Variants in CLIC4 observed in about 807,000 individuals in gnomAD.
CLIC4 encodes the protein chloride intracellular channel protein 4.
In CLIC4, 13 loss-of-function variants were observed where a neutral mutation model predicts 24.6. The ratio of observed to expected loss-of-function variants is 0.53; its 90% confidence interval spans 0.34 to 0.84. The LOEUF is 0.84. Among genes scored for constraint, CLIC4 ranks in the 40% least tolerant of loss-of-function variants. The pLI is 0.01. For synonymous variants in CLIC4, 104 were observed against 111.3 expected (o/e 0.93, Z 0.41); for missense variants, 227 against 301.7 (o/e 0.75, Z 1.83).
rs910108111 is a variant in CLIC4 at position 24,751,325 on chromosome 1, G to A, written c.72+5700G>A. On this transcript the variant is annotated intron_variant, in intron 1 of 5. Coordinates refer to ENST00000374379, the MANE Select transcript of CLIC4 (RefSeq NM_013943.3). ...CCCGAGTTCAAGCGATTCTCCTGCCGCAGACTCCCGAGTAGCTGGGGTTAC... is the reference window on the plus strand; with the variant it reads ...CCCGAGTTCAAGCGATTCTCCTGCCACAGACTCCCGAGTAGCTGGGGTTAC... 4.0e-5 allele frequency among the ~76,000 whole-genome samples: 6 copies of A among 149,766 alleles called. No homozygotes were observed. In the South Asian group the frequency reaches 6.4e-4, roughly 16 times the overall value.
chr1:24,752,187 T>A (rs1012746498), intron 1 of CLIC4, among the ~76,000 whole-genome samples: 3 of 152,196 alleles, frequency 2.0e-5, no homozygotes, highest in Admixed American at 2.0e-4. Flanking sequence ...TTTCCTAACT[T>A]CTAATATCAG....
At chr1:24,761,663 AT>A (rs1638929212) in intron 1 of CLIC4, among the ~76,000 whole-genome samples, 1 of 152,206 alleles carries the variant, frequency 6.6e-6, no homozygotes, top group Admixed American at 6.5e-5. Flanking sequence ...TTGCATCTTA[AT>A]ATGAGTAGCC....
At chr1:24,776,785 G>C (rs543738458) in intron 1 of CLIC4, among the ~76,000 whole-genome samples, 1 of 92,994 alleles carries the variant, frequency 1.1e-5, no homozygotes, top group Admixed American at 1.3e-4. Flanking sequence ...GGTGGTAGGG[G>C]CCTGTAGTCC....
chr1:24,796,601 G>A (rs1001511061), intron 1 of CLIC4, among the ~76,000 whole-genome samples: 1 of 152,142 alleles, frequency 6.6e-6, no homozygotes, highest in African/African-American at 2.4e-5. Flanking sequence ...TGCTGTACAG[G>A]TTTGTAGCCT....
chr1:24,811,579 C>G (rs1287353822), intron 2 of CLIC4, among the ~76,000 whole-genome samples: 1 of 152,102 alleles, frequency 6.6e-6, no homozygotes, highest in Non-Finnish European at 1.5e-5. Flanking sequence ...CTCAACCAAT[C>G]CTCCCATCTC....
chr1:24,769,161 G>T (rs1639043371), intron 1 of CLIC4, among the ~76,000 whole-genome samples: 2 of 151,686 alleles, frequency 1.3e-5, no homozygotes, highest in South Asian at 4.2e-4. Context: ...AAAACATAAT[G>T]TAAGAATCAT....
chr1:24,797,880 C>G, intron 2 of CLIC4, 29 bp downstream of exon 2: 1 of 1,456,876 alleles, frequency 6.9e-7, no homozygotes, highest in Non-Finnish European at 9.6e-7. Context: ...TTGCAATCAA[C>G]TTAAGCTGAA....
intron 4 of CLIC4, among the ~76,000 whole-genome samples, chr1:24,838,183 C>A (rs1313899696): frequency 6.6e-6 from 1 of 152,082 alleles, no homozygotes. Context: ...CTCTATACTA[C>A]CCTCTGTCCC....
At chr1:24,770,515 C>G (rs1397809316) in intron 1 of CLIC4, among the ~76,000 whole-genome samples, 3 of 152,084 alleles carry the variant, frequency 2.0e-5, no homozygotes, top group African/African-American at 7.2e-5. Context: ...GCTCACTTAC[C>G]AAACTGATTA....
At chr1:24,807,257 C>T (rs376196641) in intron 2 of CLIC4, among the ~76,000 whole-genome samples, 3 of 151,144 alleles carry the variant, frequency 2.0e-5, no homozygotes, top group East Asian at 1.9e-4. Flanking sequence ...ATGCCCTACC[C>T]GACCTACCCC....
In CLIC4 at chr1:24,796,956, A is replaced by AT. The variant is rs1228731914; in HGVS notation, c.73-783dup. On this transcript the variant is annotated intron_variant, in intron 1 of 5. Transcript: ENST00000374379. ...TTTTTATTTTTTATTTTATTTATTT[A>AT]TTTATTTTTTTTTTTTGAGACAGAG... 7.0e-4 allele frequency among the ~76,000 whole-genome samples: 104 copies of AT among 148,378 alleles called. 1 individual carries two copies. Among genetic ancestry groups the AT allele is most frequent in the Middle Eastern group, 7.1e-3 (2 of 280 alleles).
intron 1 of CLIC4, among the ~76,000 whole-genome samples, chr1:24,775,978 T>C (rs992562219): frequency 6.6e-6 from 1 of 152,200 alleles, no homozygotes; most frequent in Admixed American, 6.5e-5. Flanking sequence ...TGATTTTCTT[T>C]TCTAAAGCAG....
At chr1:24,801,487 C>T (rs1639489903) in intron 2 of CLIC4, among the ~76,000 whole-genome samples, 1 of 152,200 alleles carries the variant, frequency 6.6e-6, no homozygotes, top group Admixed American at 6.5e-5. Flanking sequence ...TCACCTCCCA[C>T]AAGGCCCCTC....
At chr1:24,769,053 G>A (rs1181279972) in intron 1 of CLIC4, among the ~76,000 whole-genome samples, 2 of 152,026 alleles carry the variant, frequency 1.3e-5, no homozygotes, top group African/African-American at 4.8e-5. Context: ...GCTGAAGCAG[G>A]AGATTGAGGC....
Position 24,826,987 on chromosome 1 carries a change from TCC to T in CLIC4, c.309-22_309-21del, listed in dbSNP as rs577806553. 3.6e-3 allele frequency: 5,420 copies of T among 1,509,640 alleles called. 17 individuals carry two copies. The highest frequency in any genetic ancestry group is 4.5e-3 in the Non-Finnish European group (4,924 of 1,098,372). 93.5% of individuals were successfully genotyped at this position (1,509,640 alleles called of 1,614,324 possible). ...TAATTCATCTTTGAAGGATCTATAATCCATATCACTTTTTCTATTTAGGTACT... is the reference window on the plus strand; with the variant it reads ...TAATTCATCTTTGAAGGATCTATAATATATCACTTTTTCTATTTAGGTACT... On this transcript the variant is annotated intron_variant, in intron 3 of 5. Coordinates refer to ENST00000374379, the MANE Select transcript of CLIC4 (RefSeq NM_013943.3).
At chr1:24,782,418 G>C (rs1009049906) in intron 1 of CLIC4, among the ~76,000 whole-genome samples, 17 of 152,052 alleles carry the variant, frequency 1.1e-4, no homozygotes, top group Admixed American at 1.0e-3. Context: ...GGATGCTATA[G>C]GTAATGCAAA....
chr1:24,838,718 T>G (rs1639909895), intron 4 of CLIC4, among the ~76,000 whole-genome samples: 1 of 152,186 alleles, frequency 6.6e-6, no homozygotes, highest in African/African-American at 2.4e-5. Context: ...GAAAGGATAA[T>G]AGAAGATCTG....
rs1437195849 is a variant in CLIC4 at position 24,745,502 on chromosome 1, C to T, written c.-52C>T. 1 of 1,312,154 alleles carries T rather than the reference C, an allele frequency of 7.6e-7. No homozygotes were observed. The highest frequency in any genetic ancestry group is 1.0e-6 in the Non-Finnish European group (1 of 958,258). 81.3% of individuals were successfully genotyped at this position (1,312,154 alleles called of 1,614,324 possible). Reference sequence around the variant, plus strand: ...AGCCGGAGCAGTCCCGGAGCAGAAGCAGCAGCAGCAGCAGCAGCCCTCGCC... The same window carrying T: ...AGCCGGAGCAGTCCCGGAGCAGAAGTAGCAGCAGCAGCAGCAGCCCTCGCC... On this transcript the variant is annotated 5_prime_UTR_variant, in exon 1 of 6. Coordinates refer to ENST00000374379, the MANE Select transcript of CLIC4 (RefSeq NM_013943.3).
At chr1:24,823,702 A>G (rs1639757996) in intron 3 of CLIC4, among the ~76,000 whole-genome samples, 1 of 146,748 alleles carries the variant, frequency 6.8e-6, no homozygotes. Context: ...TGAAACCGGA[A>G]GGCGGAGGTT....
Sources: gnomAD v4.1 joint callset for allele counts (sites outside exome capture counted in the v4.1 genomes callset) on GRCh38, gnomAD v4.1.1 for gene constraint, MANE v1.5 for transcripts, NCBI Gene and HGNC (gene_info 2026-07-23, HGNC 2026-07-21) for gene names.